Variants in SRGAP2 observed in about 807,000 individuals in gnomAD.
The protein encoded by SRGAP2 is SLIT-ROBO Rho GTPase activating protein 2.
A neutral mutation model predicts 57.2 loss-of-function variants in SRGAP2; 15 were observed. That is an observed-to-expected ratio of 0.26 (90% CI 0.18 to 0.40). The LOEUF is 0.40. Among genes scored for constraint, SRGAP2 ranks in the 10% least tolerant of loss-of-function variants. The pLI is 1.00. For synonymous variants in SRGAP2, 249 were observed against 248.0 expected, an observed-to-expected ratio of 1.00 and a Z score of -0.04; for missense variants, 520 against 669.6, an observed-to-expected ratio of 0.78 and a Z score of 2.47.
At chr1:206,426,251 TTTA>T (rs143761465) in intron 13 of SRGAP2, among the ~76,000 whole-genome samples, 1,547 of 152,324 alleles carry the variant, frequency 0.01, 23 homozygotes, top group African/African-American at 0.035. Context: ...CCTGGCTAAT[TTTA>T]CTTAACACAG....
At chr1:206,410,449 G>A (rs965040133) in intron 10 of SRGAP2, among the ~76,000 whole-genome samples, 2 of 152,168 alleles carry the variant, frequency 1.3e-5, no homozygotes, top group African/African-American at 4.8e-5. Flanking sequence ...ACAGGAAAAC[G>A]TACTATAAAG....
At chr1:206,437,378 C>G (rs1347398951) in intron 15 of SRGAP2, among the ~76,000 whole-genome samples, 3 of 152,240 alleles carry the variant, frequency 2.0e-5, no homozygotes, top group Admixed American at 6.5e-5. Context: ...TGCGCTTGTT[C>G]ATTGTAGCCC....
At chr1:206,321,168 G>A (rs537941951) in intron 3 of SRGAP2, among the ~76,000 whole-genome samples, 1 of 145,638 alleles carries the variant, frequency 6.9e-6, no homozygotes, top group Non-Finnish European at 1.5e-5. Flanking sequence ...CATTGGCCCC[G>A]TTATTTTGTA....
At chr1:206,440,355 G>C (rs2309835) in intron 17 of SRGAP2, among the ~76,000 whole-genome samples, 9,291 of 152,164 alleles carry the variant, frequency 0.061, 328 homozygotes, top group African/African-American at 0.069. Flanking sequence ...AGTAAAGAGA[G>C]GGGAAAGAGT....
At chr1:206,446,580 G>A (rs1391492759) in intron 18 of SRGAP2, among the ~76,000 whole-genome samples, 1 of 152,202 alleles carries the variant, frequency 6.6e-6, no homozygotes, top group African/African-American at 2.4e-5. Flanking sequence ...CTCTAAGAAA[G>A]GACTTTTTAT....
chr1:206,314,376 C>T (rs543733427), intron 3 of SRGAP2, among the ~76,000 whole-genome samples: 1,874 of 152,230 alleles, frequency 0.012, 21 homozygotes, highest in African/African-American at 0.041. Flanking sequence ...TCAGGTGATC[C>T]GCACACCTTG....
At chr1:206,370,228 T>C (rs1553342338) in intron 4 of SRGAP2, among the ~76,000 whole-genome samples, 1 of 152,082 alleles carries the variant, frequency 6.6e-6, no homozygotes. Flanking sequence ...ATCGCACCAC[T>C]GCACTCCAGC....
intron 2 of SRGAP2, among the ~76,000 whole-genome samples, chr1:206,234,871 A>G (rs1162247407): frequency 6.6e-6 from 1 of 151,978 alleles, no homozygotes; most frequent in East Asian, 1.9e-4. Context: ...GCCCCAAGAG[A>G]GCTTTCCATA....
At chr1:206,457,331 G>C (rs1292473460) in intron 21 of SRGAP2, among the ~76,000 whole-genome samples, 2 of 152,214 alleles carry the variant, frequency 1.3e-5, no homozygotes, top group Non-Finnish European at 2.9e-5. Context: ...CGAGGTCCCT[G>C]ATCTCAGAGC....
chr1:206,395,690 G>T (rs200668517), intron 7 of SRGAP2, among the ~76,000 whole-genome samples: 1 of 151,114 alleles, frequency 6.6e-6, no homozygotes, highest in African/African-American at 2.4e-5. Flanking sequence ...CTTTTTCACC[G>T]AAATACTGAT....
intron 4 of SRGAP2, among the ~76,000 whole-genome samples, chr1:206,364,427 G>A (rs1331998421): frequency 3.3e-5 from 5 of 150,484 alleles, no homozygotes; most frequent in Non-Finnish European, 7.4e-5. Context: ...TCAGCCTCCC[G>A]AGTAGCTGGG....
At chr1:206,378,811 C>T (rs572540465) in intron 4 of SRGAP2, among the ~76,000 whole-genome samples, 9 of 152,366 alleles carry the variant, frequency 5.9e-5, no homozygotes, top group African/African-American at 2.2e-4. Flanking sequence ...CGAAGGTCCA[C>T]AGCTTCATTC....
intron 6 of SRGAP2, 36 bp from the exon 7 acceptor site, chr1:206,393,509 A>C (rs1553351808): frequency 2.6e-6 from 2 of 761,172 alleles, no homozygotes; most frequent in East Asian, 4.9e-5. Context: ...CCCTTAAAAA[A>C]AAAAAGGTAA....
At chr1:206,283,068 G>T (rs1427181994) in intron 2 of SRGAP2, among the ~76,000 whole-genome samples, 71 of 149,984 alleles carry the variant, frequency 4.7e-4, no homozygotes, top group African/African-American at 3.7e-4. Flanking sequence ...CTTTTCTGTT[G>T]CCTCTGGGCC....
At chr1:206,426,935 C>G (rs140455197) in intron 13 of SRGAP2, among the ~76,000 whole-genome samples, 1 of 152,092 alleles carries the variant, frequency 6.6e-6, no homozygotes, top group African/African-American at 2.4e-5. Flanking sequence ...CTCTGTTGAT[C>G]GTTTCCTTTG....
At chr1:206,307,422 AG>A (rs1351154744) in intron 3 of SRGAP2, among the ~76,000 whole-genome samples, 67 of 152,212 alleles carry the variant, frequency 4.4e-4, no homozygotes, top group Non-Finnish European at 8.8e-4. Context: ...CTGCAGGTGG[AG>A]CTGCCTGCCA....
In SRGAP2 at chr1:206,397,686, C is replaced by T. The variant is rs1399988301; in HGVS notation, c.832-3735C>T. Among the ~76,000 whole-genome samples the T allele has an allele frequency of 3.4e-5, 5 of 146,392 alleles. 1 individual carries two copies. Among genetic ancestry groups the T allele is most frequent in the African/African-American group, 1.1e-4 (4 of 36,676 alleles). Reference sequence around the variant, plus strand: ...GAGCTCATTTGATGGCATCTAAGAACGTAGGCTCACTGGAATGTAATTTTC... The same window carrying T: ...GAGCTCATTTGATGGCATCTAAGAATGTAGGCTCACTGGAATGTAATTTTC... On this transcript the variant is annotated intron_variant, in intron 7 of 22. Transcript: ENST00000573034.
chr1:206,253,676 C>A (rs1327524042), intron 2 of SRGAP2, among the ~76,000 whole-genome samples: 1 of 148,236 alleles, frequency 6.7e-6, no homozygotes, highest in Non-Finnish European at 1.5e-5. Flanking sequence ...CCCGGGTTCA[C>A]GCCATTCTCC....
chr1:206,457,833 C>G (rs138550452), intron 21 of SRGAP2, among the ~76,000 whole-genome samples: 1 of 152,332 alleles, frequency 6.6e-6, no homozygotes, highest in Non-Finnish European at 1.5e-5. Context: ...CAGCAGCCAT[C>G]CAAATCAGAA....
Sources: allele counts gnomAD v4.1 joint callset (sites outside exome capture counted in the v4.1 genomes callset), GRCh38; gene constraint gnomAD v4.1.1; transcripts MANE v1.5; gene names NCBI Gene and HGNC (gene_info 2026-07-23, HGNC 2026-07-21).